CCDC144A: variants seen among roughly 807,000 people sequenced by gnomAD.
CCDC144A encodes coiled-coil domain containing 144A.
In CCDC144A, 41 loss-of-function variants were observed where a neutral mutation model predicts 143.8. That is an observed-to-expected ratio of 0.29 (90% CI 0.22 to 0.37). CCDC144A has a LOEUF of 0.37. CCDC144A is among the 10% of genes least tolerant of loss of function. The pLI, the probability that CCDC144A is intolerant of heterozygous loss-of-function variation, is 1.00. For missense variants in CCDC144A, 637 were observed against 1,488.8 expected (o/e 0.43, Z 9.41); for synonymous variants, 242 against 517.9 (o/e 0.47, Z 7.23).
chr17:16,744,082 C>A (rs2143285824), intron 12 of CCDC144A, among the ~76,000 whole-genome samples: 1 of 152,290 alleles, frequency 6.6e-6, no homozygotes, highest in African/African-American at 2.4e-5. Context: ...TCCAGTGCAT[C>A]ATTGATGAGC....
chr17:16,692,022 T>C (rs1475479116), intron 1 of CCDC144A: 4 of 152,020 alleles, frequency 2.6e-5, no homozygotes, highest in African/African-American at 7.2e-5. Context: ...TACAAAAATA[T>C]GCAGTAAGGT....
the CCDC144A span, among the ~76,000 whole-genome samples, chr17:16,677,855 A>C: frequency 2.0e-5 from 3 of 151,946 alleles, no homozygotes. Context: ...TTGTATATAC[A>C]TGCAAACATC....
chr17:16,686,091 G>GTTTTTTTTTT (rs67135656), upstream of CCDC144A, among the ~76,000 whole-genome samples: 25 of 114,702 alleles, frequency 2.2e-4, no homozygotes, highest in East Asian at 4.7e-4. Flanking sequence ...TGTTTTTTTT[G>GTTTTTTTTTT]TTTTTTTTTT....
intron 12 of CCDC144A, among the ~76,000 whole-genome samples, chr17:16,737,879 T>C (rs1057495286): frequency 9.2e-5 from 14 of 152,080 alleles, no homozygotes; most frequent in Non-Finnish European, 1.8e-4. Flanking sequence ...AGTACATACA[T>C]TTTAAAAATA....
intron 12 of CCDC144A, among the ~76,000 whole-genome samples, chr17:16,741,784 A>G (rs1914267994): frequency 6.6e-6 from 1 of 152,158 alleles, no homozygotes; most frequent in African/African-American, 2.4e-5. Context: ...AATTGAACAT[A>G]TTTATGGTAT....
chr17:16,770,861 A>G (rs1915799576), intron 15 of CCDC144A, among the ~76,000 whole-genome samples: 2 of 151,804 alleles, frequency 1.3e-5, no homozygotes, highest in South Asian at 4.2e-4. Flanking sequence ...CATTTCTTGA[A>G]TTATTACTTT....
At chr17:16,767,294 C>CAAAAAAAAAAAAAAAAAAAAAAAAAAAA (rs765969718) in intron 15 of CCDC144A, 1 of 95,378 alleles carries the variant, frequency 1.0e-5, no homozygotes, top group Non-Finnish European at 2.0e-5. Flanking sequence ...GACTCCATCT[C>CAAAAAAAAAAAAAAAAAAAAAAAAAAAA]AAAAAAAAAA....
rs1224732824 is a variant in CCDC144A, at chr17:16,775,917, G to T, written c.*2284G>T. 6.6e-6 allele frequency: 1 copy of T among 152,228 alleles called. No individual in the cohort carries two copies. The highest frequency in any genetic ancestry group is 1.5e-5 in the Non-Finnish European group (1 of 68,066). 9.4% of individuals were successfully genotyped at this position (152,228 alleles called of 1,614,324 possible). On this transcript the variant is annotated 3_prime_UTR_variant, in exon 17 of 17. Coordinates refer to ENST00000399273, the MANE Select transcript of CCDC144A (RefSeq NM_001382000.1). ...GGAAGGGGTCCCGTTTCAATTTGCT[G>T]CATATGGCTAGCCAGTTCTCCCAGC...
In CCDC144A at chr17:16,740,779, A is replaced by T. The variant is rs902447430; in HGVS notation, c.3372+5136A>T. Among the ~76,000 whole-genome samples, 12 of 152,270 alleles carry T rather than the reference A, an allele frequency of 7.9e-5. 1 individual carries two copies. Among genetic ancestry groups the T allele is most frequent in the Admixed American group, 6.5e-4 (10 of 15,290 alleles). ...ATATCCAAAGCTGCTTATTACTTTT[A>T]GAATTTCAGTTCATTGAAATCAGGT... On this transcript the variant is annotated intron_variant, in intron 12 of 16. Transcript: ENST00000399273.
chr17:16,700,264 G>A (rs1285687026), intron 2 of CCDC144A, among the ~76,000 whole-genome samples: 1 of 152,162 alleles, frequency 6.6e-6, no homozygotes, highest in African/African-American at 2.4e-5. Flanking sequence ...AATTCCCCCA[G>A]CCTCAAATTT....
At chr17:16,751,726 C>T (rs555293237) in intron 12 of CCDC144A, among the ~76,000 whole-genome samples, 2 of 152,346 alleles carry the variant, frequency 1.3e-5, no homozygotes, top group Admixed American at 1.3e-4. Context: ...GTCTGCGGAT[C>T]TGCGGGTCGT....
At position 16,777,360 on chromosome 17, in the gene CCDC144A, G is replaced by A. The variant is rs1231322447; in HGVS notation, c.*3727G>A. 1 of 152,114 alleles carries A rather than the reference G, an allele frequency of 6.6e-6. No homozygotes were observed. Among genetic ancestry groups the A allele is most frequent in the African/African-American group, 2.4e-5 (1 of 41,378 alleles). 9.4% of individuals were successfully genotyped at this position (152,114 alleles called of 1,614,324 possible). On this transcript the variant is annotated 3_prime_UTR_variant, in exon 17 of 17. Transcript: ENST00000399273. ...CTTAAACTATACCCTGGAACATATG[G>A]ACTTAACAGATGCTTACAGAACATT...
In CCDC144A at chr17:16,690,481, T is replaced by C. The variant is rs758157607; in HGVS notation, c.81T>C (p.Pro27=). 1 of 1,613,460 alleles carries C rather than the reference T, an allele frequency of 6.2e-7. No individual in the cohort carries two copies. The highest frequency in any genetic ancestry group is 1.7e-5 in the Admixed American group (1 of 60,004). ...CAGTCTACGCCACGAGGAAGACCCC[T>C]AGCGTCGGGAGCCAGGGGGACCAGT... The part of the protein sequence containing the change: ...KPAVYATRKT[P]SVGSQGDQWY... Residue 27 remains proline, a synonymous_variant, in exon 1 of 17, where the codon CCT becomes CCC. Transcript: ENST00000399273.
chr17:16,675,269 GA>G, the CCDC144A span, among the ~76,000 whole-genome samples: 310 of 89,990 alleles, frequency 3.4e-3, no homozygotes, highest in Admixed American at 0.01. Flanking sequence ...ACTCCATCTT[GA>G]AAAAAAAAAA....
intron 12 of CCDC144A, among the ~76,000 whole-genome samples, chr17:16,754,866 C>T (rs937815262): frequency 5.9e-5 from 9 of 152,196 alleles, no homozygotes; most frequent in African/African-American, 2.2e-4. Flanking sequence ...CTATCTGTCT[C>T]TTTAGTTTCA....
At position 16,746,271 on chromosome 17, in the gene CCDC144A, C is replaced by CTTTTT. The variant is rs141884494; in HGVS notation, c.3372+10639_3372+10643dup. ...CTTCTGTTTATCTGTCTCTCTCTCT[C>CTTTTT]TTTTTTTTTTTTTTTGCATCTTTCT... is the stretch of plus-strand genomic sequence containing the variant. On this transcript the variant is annotated intron_variant, in intron 12 of 16. Coordinates refer to ENST00000399273, the MANE Select transcript of CCDC144A (RefSeq NM_001382000.1). The CTTTTT allele has an allele frequency of 1.3e-4, 98 of 779,876 alleles. 1 individual carries two copies. The highest frequency in any genetic ancestry group is 8.0e-4 in the Middle Eastern group (2 of 2,498). 48.3% of individuals were successfully genotyped at this position (779,876 alleles called of 1,614,324 possible).
chr17:16,688,362 T>C (rs1469038135), upstream of CCDC144A, among the ~76,000 whole-genome samples: 1 of 152,020 alleles, frequency 6.6e-6, no homozygotes, highest in Non-Finnish European at 1.5e-5. Flanking sequence ...GCTGTGCAGA[T>C]GTGCACACGA....
chr17:16,707,555 TTAAAC>T lies in CCDC144A; in HGVS notation c.738+18_738+22del, dbSNP rs1912132109. The T allele has an allele frequency of 6.5e-7, 1 of 1,539,104 alleles. No individual in the cohort carries two copies. Among genetic ancestry groups the T allele is most frequent in the Non-Finnish European group, 8.9e-7 (1 of 1,126,752 alleles). On this transcript the variant is annotated intron_variant, in intron 4 of 16. Coordinates refer to ENST00000399273, the MANE Select transcript of CCDC144A (RefSeq NM_001382000.1). Reference sequence around the variant, plus strand: ...TAAGCAGCCACAGGTGTGGAAACATTTAAACTAAAATCTAAATTTCTGGTTTAATA... The same window carrying T: ...TAAGCAGCCACAGGTGTGGAAACATTTAAAATCTAAATTTCTGGTTTAATA...
At chr17:16,751,656 A>G (rs1192557494) in intron 12 of CCDC144A, among the ~76,000 whole-genome samples, 3 of 151,860 alleles carry the variant, frequency 2.0e-5, no homozygotes, top group African/African-American at 7.3e-5. Context: ...GAGACCTACA[A>G]CTCTCTGGGG....
Sources: gnomAD v4.1 joint callset for allele counts (sites outside exome capture counted in the v4.1 genomes callset) on GRCh38, gnomAD v4.1.1 for gene constraint, MANE v1.5 for transcripts, NCBI Gene and HGNC (gene_info 2026-07-23, HGNC 2026-07-21) for gene names.